Variants in MTA3 observed in about 807,000 individuals in gnomAD.
MTA3 encodes the protein metastasis associated 1 family member 3, also known as metastasis-associated protein MTA3.
In MTA3, 34 loss-of-function variants were observed where a neutral mutation model predicts 83.5. That is an observed-to-expected ratio of 0.41 (90% CI 0.31 to 0.54). The LOEUF is 0.54. MTA3 is among the 20% of genes least tolerant of loss of function. The pLI, the probability that MTA3 is intolerant of heterozygous loss-of-function variation, is 0.33. For synonymous variants in MTA3, 303 were observed against 252.7 expected (o/e 1.20, Z -1.89); for missense variants, 761 against 726.4 (o/e 1.05, Z -0.55).
chr2:42,587,095 A>G (rs1250532146), intron 3 of MTA3, among the ~76,000 whole-genome samples: 4 of 152,122 alleles, frequency 2.6e-5, no homozygotes, highest in Non-Finnish European at 5.9e-5. Flanking sequence ...CAGGAGGCTG[A>G]GGCAGGAGAA....
intron 6 of MTA3, among the ~76,000 whole-genome samples, chr2:42,648,924 T>C (rs1688452634): frequency 6.6e-6 from 1 of 152,234 alleles, no homozygotes; most frequent in Admixed American, 6.5e-5. Flanking sequence ...TTGAGTAACC[T>C]TGGGGAAATG....
At chr2:42,607,030 C>G (rs1398022507) in intron 3 of MTA3, among the ~76,000 whole-genome samples, 1 of 142,532 alleles carries the variant, frequency 7.0e-6, no homozygotes, top group Non-Finnish European at 1.5e-5. Context: ...TACAGTCCAG[C>G]TTCGGCTCCG....
intron 2 of MTA3, among the ~76,000 whole-genome samples, chr2:42,542,644 C>T (rs911671934): frequency 2.6e-5 from 4 of 152,046 alleles, no homozygotes; most frequent in Non-Finnish European, 5.9e-5. Flanking sequence ...CTCCACCTCC[C>T]GGGTTCAAGC....
At chr2:42,662,230 C>G (rs1226806025) in intron 8 of MTA3, among the ~76,000 whole-genome samples, 1 of 151,924 alleles carries the variant, frequency 6.6e-6, no homozygotes, top group Non-Finnish European at 1.5e-5. Flanking sequence ...AAACGTTTTT[C>G]TTTTGCTGTG....
chr2:42,627,176 C>G (rs1686186310), intron 4 of MTA3, among the ~76,000 whole-genome samples: 1 of 151,974 alleles, frequency 6.6e-6, no homozygotes, highest in Admixed American at 6.6e-5. Flanking sequence ...CTCCTGGGCT[C>G]AAGCGATCCT....
At chr2:42,714,754 G>T (rs138027193) in intron 14 of MTA3, among the ~76,000 whole-genome samples, 1,772 of 152,246 alleles carry the variant, frequency 0.012, 26 homozygotes, top group African/African-American at 0.041. Context: ...GGATGAAACT[G>T]TTCCACCTCA....
intron 2 of MTA3, among the ~76,000 whole-genome samples, chr2:42,549,539 TATTAC>T (rs1676995999): frequency 1.8e-5 from 2 of 110,676 alleles, no homozygotes; most frequent in Admixed American, 1.3e-4. Flanking sequence ...AATATACATA[TATTAC>T]ATAATATATA....
chr2:42,554,649 C>G (rs1248196315), intron 2 of MTA3, among the ~76,000 whole-genome samples: 2 of 152,134 alleles, frequency 1.3e-5, no homozygotes, highest in East Asian at 3.9e-4. Flanking sequence ...ACAGCTGTTT[C>G]TTTCTACATG....
At chr2:42,656,994 G>A (rs921141792) in intron 7 of MTA3, among the ~76,000 whole-genome samples, 12 of 152,124 alleles carry the variant, frequency 7.9e-5, no homozygotes, top group African/African-American at 2.9e-4. Flanking sequence ...TGTATACAGA[G>A]TAATTATAAA....
intron 3 of MTA3, among the ~76,000 whole-genome samples, chr2:42,598,375 C>A (rs1297137752): frequency 6.6e-6 from 1 of 152,158 alleles, no homozygotes; most frequent in Non-Finnish European, 1.5e-5. Context: ...TTCACTACTT[C>A]TATTTCTAAA....
At chr2:42,589,365 C>G (rs867559676) in intron 3 of MTA3, among the ~76,000 whole-genome samples, 1 of 152,018 alleles carries the variant, frequency 6.6e-6, no homozygotes, top group Non-Finnish European at 1.5e-5. Context: ...TCATCTAATT[C>G]TTGGAACTGT....
intron 4 of MTA3, among the ~76,000 whole-genome samples, chr2:42,622,124 T>C (rs1685627010): frequency 1.3e-5 from 2 of 152,128 alleles, no homozygotes; most frequent in Non-Finnish European, 2.9e-5. Flanking sequence ...CATTGAGCAC[T>C]GAGTGAACCA....
At chr2:42,676,687 GC>G (rs1318931227) in intron 8 of MTA3, among the ~76,000 whole-genome samples, 1 of 152,150 alleles carries the variant, frequency 6.6e-6, no homozygotes, top group African/African-American at 2.4e-5. Flanking sequence ...GATCATCTGA[GC>G]CCAGGAGGCA....
intron 16 of MTA3, among the ~76,000 whole-genome samples, chr2:42,745,231 A>C (rs922403189): frequency 1.3e-5 from 2 of 152,236 alleles, no homozygotes; most frequent in African/African-American, 4.8e-5. Context: ...ACTTGAAGTT[A>C]ACTTTGTTAG....
chr2:42,672,846 CTTTT>C lies in MTA3; in HGVS notation c.703-9540_703-9537del, dbSNP rs70963344. Among the ~76,000 whole-genome samples the C allele has an allele frequency of 1.5e-3, 169 of 114,314 alleles. No homozygotes were observed. In the Middle Eastern group the frequency reaches 0.017, roughly 12 times the overall value. The allele number at this position is 114,314 out of a possible 152,430, so 75.0% of individuals were successfully genotyped here. A position where few individuals can be genotyped will look rare whatever the true frequency, so the allele number is the denominator to read the frequency against. ...GGCAAACTTTTTTACGTATAAAAAG[CTTTT>C]TTTTTTTTTTTTTTGAGACGGAGTC... On this transcript the variant is annotated intron_variant, in intron 8 of 16. Coordinates refer to ENST00000405094, the MANE Select transcript of MTA3 (RefSeq NM_001330442.2).
chr2:42,719,157 TA>T, intron 15 of MTA3, 83 bp downstream of exon 15: 1 of 1,011,600 alleles, frequency 9.9e-7, no homozygotes, highest in Non-Finnish European at 1.5e-6. Context: ...TGGACATACC[TA>T]AACTAATTCA....
chr2:42,495,836 C>T (rs1268230721), intron 2 of MTA3, among the ~76,000 whole-genome samples: 3 of 152,124 alleles, frequency 2.0e-5, no homozygotes, highest in Non-Finnish European at 4.4e-5. Flanking sequence ...ATGGGATCCC[C>T]AACCCCGTGT....
chr2:42,605,723 C>G (rs1428288882), intron 3 of MTA3, among the ~76,000 whole-genome samples: 47 of 129,180 alleles, frequency 3.6e-4, no homozygotes, highest in Non-Finnish European at 7.1e-4. Flanking sequence ...GCCGACCCCC[C>G]CACCTCCCTC....
chr2:42,733,948 A>G (rs1286613298), intron 16 of MTA3, among the ~76,000 whole-genome samples: 1 of 152,210 alleles, frequency 6.6e-6, no homozygotes, highest in Non-Finnish European at 1.5e-5. Context: ...TTTGTGGCCT[A>G]ACATATGGTC....
Sources: gnomAD v4.1 joint callset for allele counts (sites outside exome capture counted in the v4.1 genomes callset) on GRCh38, gnomAD v4.1.1 for gene constraint, MANE v1.5 for transcripts, NCBI Gene and HGNC (gene_info 2026-07-23, HGNC 2026-07-21) for gene names.